AUTS2: variants seen among roughly 807,000 people sequenced by gnomAD.
The protein encoded by AUTS2 is autism susceptibility gene 2 protein.
A neutral mutation model predicts 112.4 loss-of-function variants in AUTS2; 17 were observed. The observed-to-expected ratio is 0.15, with a 90% confidence interval of 0.10 to 0.23. The LOEUF (loss-of-function observed/expected upper bound fraction) is 0.23. AUTS2 is among the 10% of genes least tolerant of loss of function. The pLI, the probability that AUTS2 is intolerant of heterozygous loss-of-function variation, is 1.00. For synonymous variants in AUTS2, 751 were observed against 702.7 expected, an observed-to-expected ratio of 1.07 and a Z score of -1.09; for missense variants, 1,510 against 1,701.6, an observed-to-expected ratio of 0.89 and a Z score of 1.98.
intron 6 of AUTS2, among the ~76,000 whole-genome samples, chr7:70,704,827 G>A (rs1188275770): frequency 1.3e-5 from 2 of 152,168 alleles, no homozygotes; most frequent in Admixed American, 1.3e-4. Context: ...GAATATGTAT[G>A]TTTATTTAAC....
intron 2 of AUTS2, among the ~76,000 whole-genome samples, chr7:70,068,684 A>C (rs1225318816): frequency 6.6e-6 from 1 of 152,236 alleles, no homozygotes; most frequent in African/African-American, 2.4e-5. Flanking sequence ...TAGTGAATGT[A>C]GCTTAAGAAA....
intron 4 of AUTS2, among the ~76,000 whole-genome samples, chr7:70,160,180 A>G (rs934927150): frequency 1.3e-5 from 2 of 152,184 alleles, no homozygotes; most frequent in Admixed American, 6.5e-5. Context: ...AGAGGATTTA[A>G]TAACTTAATA....
At chr7:69,892,138 A>G (rs1458504460) in intron 1 of AUTS2, among the ~76,000 whole-genome samples, 1 of 150,316 alleles carries the variant, frequency 6.7e-6, no homozygotes, top group Non-Finnish European at 1.5e-5. Context: ...CTTATTTAAA[A>G]AATTGGGTTG....
At chr7:70,653,098 A>T (rs1182319178) in intron 5 of AUTS2, among the ~76,000 whole-genome samples, 1 of 152,150 alleles carries the variant, frequency 6.6e-6, no homozygotes, top group Non-Finnish European at 1.5e-5. Context: ...CTACAAAAAA[A>T]TAAAAAATCA....
intron 5 of AUTS2, among the ~76,000 whole-genome samples, chr7:70,493,122 A>G (rs570113455): frequency 4.6e-5 from 7 of 152,296 alleles, no homozygotes; most frequent in African/African-American, 1.7e-4. Flanking sequence ...CTAAAAATGT[A>G]TATGCTCAGG....
intron 3 of AUTS2, among the ~76,000 whole-genome samples, chr7:70,127,957 G>A (rs1806068199): frequency 8.1e-6 from 1 of 123,494 alleles, no homozygotes; most frequent in Admixed American, 8.6e-5. Flanking sequence ...TCCCTCTCTT[G>A]AAATCTTTAT....
At chr7:70,141,299 G>A (rs898588667) in intron 4 of AUTS2, among the ~76,000 whole-genome samples, 3 of 152,176 alleles carry the variant, frequency 2.0e-5, no homozygotes, top group Admixed American at 2.0e-4. Flanking sequence ...GGTGAGTGGG[G>A]AAGAGATGGT....
intron 1 of AUTS2, among the ~76,000 whole-genome samples, chr7:69,686,614 A>G (rs138006180): frequency 0.014 from 2,124 of 152,364 alleles, 26 homozygotes; most frequent in Middle Eastern, 0.037. Context: ...TAGAAAAGTA[A>G]TATTACAAAA....
intron 2 of AUTS2, among the ~76,000 whole-genome samples, chr7:70,005,188 G>C (rs1445862792): frequency 6.6e-6 from 1 of 151,996 alleles, no homozygotes; most frequent in African/African-American, 2.4e-5. Flanking sequence ...ACATCCAGCT[G>C]CTGAACCTGT....
rs569578750 is a variant in AUTS2 at position 69,819,425 on chromosome 7, A to G, written c.310-79861A>G. ...TCTTCTATCTTCAGCAGTCCTCTAA[A>G]CATTTCTTGGGGAAGTTTTAGGCAC... On this transcript the variant is annotated intron_variant, in intron 1 of 18. Transcript: ENST00000342771. Among the ~76,000 whole-genome samples, 8 of 152,312 alleles carry G rather than the reference A, an allele frequency of 5.3e-5. No homozygotes were observed. The South Asian group carries it at 1.7e-3, about 32-fold the overall frequency.
chr7:70,378,471 G>A (rs910247249), intron 4 of AUTS2, among the ~76,000 whole-genome samples: 2 of 152,182 alleles, frequency 1.3e-5, no homozygotes, highest in African/African-American at 4.8e-5. Flanking sequence ...ATGTATTCAT[G>A]CTATGTACCA....
intron 1 of AUTS2, among the ~76,000 whole-genome samples, chr7:69,740,943 C>T (rs964871079): frequency 1.3e-5 from 2 of 152,092 alleles, no homozygotes; most frequent in African/African-American, 4.8e-5. Flanking sequence ...TTTAAAGTGG[C>T]GATGGGCTTG....
chr7:70,647,878 T>C (rs1353625444), intron 5 of AUTS2, among the ~76,000 whole-genome samples: 2 of 152,054 alleles, frequency 1.3e-5, no homozygotes, highest in African/African-American at 2.4e-5. Flanking sequence ...AAAGACAGGA[T>C]TGTAGATCTA....
intron 5 of AUTS2, among the ~76,000 whole-genome samples, chr7:70,523,207 G>A (rs564292472): frequency 6.6e-6 from 1 of 152,268 alleles, no homozygotes; most frequent in Middle Eastern, 3.4e-3. Context: ...GTTCTGTGTG[G>A]GGCTAAGGTA....
At chr7:69,804,887 G>A (rs2865803) in intron 1 of AUTS2, among the ~76,000 whole-genome samples, 5,200 of 152,306 alleles carry the variant, frequency 0.034, 128 homozygotes, top group Middle Eastern at 0.085. Context: ...AGAAACCTTT[G>A]AGGAGGAAGC....
At chr7:69,622,321 C>T (rs997580463) in intron 1 of AUTS2, among the ~76,000 whole-genome samples, 11 of 152,206 alleles carry the variant, frequency 7.2e-5, no homozygotes, top group African/African-American at 2.7e-4. Flanking sequence ...TACTAGGTGG[C>T]TTCCAACCCA....
chr7:70,635,929 C>T (rs1400065291), intron 5 of AUTS2, among the ~76,000 whole-genome samples: 2 of 152,192 alleles, frequency 1.3e-5, no homozygotes, highest in African/African-American at 4.8e-5. Flanking sequence ...ATCCAAGAGG[C>T]AGAGAGGTAC....
chr7:70,230,675 A>G lies in AUTS2; in HGVS notation c.660+96104A>G, dbSNP rs139893054. On this transcript the variant is annotated intron_variant, in intron 4 of 18. Transcript: ENST00000342771. ...AGTGTGCAGCTTTGTGCATATGCACAGCTTTCCAGGCCATCAGAGATAAGT... is the reference window on the plus strand; with the variant it reads ...AGTGTGCAGCTTTGTGCATATGCACGGCTTTCCAGGCCATCAGAGATAAGT... 8.8e-4 allele frequency among the ~76,000 whole-genome samples: 134 copies of G among 152,340 alleles called. 1 individual carries two copies. The South Asian group carries it at 0.012, about 14-fold the overall frequency.
chr7:70,003,643 ATG>A (rs1189969993), intron 2 of AUTS2, among the ~76,000 whole-genome samples: 7 of 114,568 alleles, frequency 6.1e-5, no homozygotes, highest in East Asian at 5.0e-4. Flanking sequence ...ATATATATGA[ATG>A]TGTTATATAT....
Sources: gnomAD v4.1 joint callset for allele counts (sites outside exome capture counted in the v4.1 genomes callset) on GRCh38, gnomAD v4.1.1 for gene constraint, MANE v1.5 for transcripts, NCBI Gene and HGNC (gene_info 2026-07-23, HGNC 2026-07-21) for gene names.